Variants in EYS observed in about 807,000 individuals in gnomAD.
EYS encodes the protein EGF-like photoreceptor maintenance factor, also known as protein eyes shut homolog.
Under a neutral mutation model 282.1 loss-of-function variants are expected in EYS, and 250 were observed. That is an observed-to-expected ratio of 0.89 (90% CI 0.80 to 0.98). The LOEUF (loss-of-function observed/expected upper bound fraction) is 0.98, where lower values mean the gene tolerates loss of function less well. Ranked by LOEUF, EYS falls within the 50% of genes least tolerant of loss-of-function variation. The pLI is 0.00. For missense variants in EYS, 4,016 were observed against 3,709.0 expected (o/e 1.08, Z -2.15); for synonymous variants, 1,355 against 1,282.9 (o/e 1.06, Z -1.20).
chr6:64,174,713 T>C (rs1376599876), intron 31 of EYS, among the ~76,000 whole-genome samples: 1 of 151,960 alleles, frequency 6.6e-6, no homozygotes, highest in African/African-American at 2.4e-5. Context: ...CTTAGTCAAT[T>C]ATTTAGTGTA....
chr6:64,228,083 A>C (rs1402054725), intron 31 of EYS, among the ~76,000 whole-genome samples: 2 of 152,120 alleles, frequency 1.3e-5, no homozygotes, highest in East Asian at 3.9e-4. Context: ...CAGATTCCTG[A>C]ATTACAGACC....
At chr6:64,978,245 C>T (rs138373272) in intron 14 of EYS, among the ~76,000 whole-genome samples, 1 of 151,820 alleles carries the variant, frequency 6.6e-6, no homozygotes, top group African/African-American at 2.4e-5. Context: ...AGCCAGTGTT[C>T]ATTTACCATT....
chr6:64,088,637 A>G (rs1772245448), intron 31 of EYS, among the ~76,000 whole-genome samples: 1 of 152,006 alleles, frequency 6.6e-6, no homozygotes, highest in Admixed American at 6.6e-5. Flanking sequence ...TATCATTTTT[A>G]TTATTTTTTT....
At chr6:64,395,759 T>C (rs1016124160) in intron 28 of EYS, among the ~76,000 whole-genome samples, 3 of 149,310 alleles carry the variant, frequency 2.0e-5, no homozygotes, top group East Asian at 2.0e-4. Flanking sequence ...AATGTGCACA[T>C]GTACCCTAAA....
intron 23 of EYS, among the ~76,000 whole-genome samples, chr6:64,619,585 C>T (rs1767381186): frequency 6.6e-6 from 1 of 152,196 alleles, no homozygotes; most frequent in Non-Finnish European, 1.5e-5. Context: ...TCTACTCTCC[C>T]AAAGAGACTG....
At chr6:63,753,203 C>T (rs966969454) in intron 41 of EYS, among the ~76,000 whole-genome samples, 1 of 143,998 alleles carries the variant, frequency 6.9e-6, no homozygotes, top group Non-Finnish European at 1.5e-5. Flanking sequence ...CTCTTTTATG[C>T]TATTCTTATG....
chr6:64,613,432 A>G (rs1767172628), intron 24 of EYS, among the ~76,000 whole-genome samples: 1 of 152,108 alleles, frequency 6.6e-6, no homozygotes, highest in South Asian at 2.1e-4. Flanking sequence ...TGTGTAGAGA[A>G]TTTGGAAGTC....
In EYS at chr6:65,694,916, A is replaced by C. The variant is rs866447464; in HGVS notation, c.-448+12219T>G. On this transcript the variant is annotated intron_variant, in intron 1 of 42. Coordinates refer to ENST00000503581, the MANE Select transcript of EYS (RefSeq NM_001142800.2). ...AAGAAAAATTATTAATAAAATATAA[A>C]ATTTGATATAATGACTAAGAGAGAA... 3.3e-5 allele frequency among the ~76,000 whole-genome samples: 5 copies of C among 152,038 alleles called. No homozygotes were observed. The South Asian group carries it at 1.0e-3, about 31-fold the overall frequency.
chr6:63,744,288 A>G (rs1365039531), intron 41 of EYS: 1 of 152,202 alleles, frequency 6.6e-6, no homozygotes, highest in Non-Finnish European at 1.5e-5. Context: ...TAAAAAGGAA[A>G]AAGGACACTG....
At chr6:65,394,316 TAAAC>T (rs1766179843) in intron 7 of EYS, among the ~76,000 whole-genome samples, 1 of 152,036 alleles carries the variant, frequency 6.6e-6, no homozygotes, top group Admixed American at 6.6e-5. Flanking sequence ...TTTTGGTGAA[TAAAC>T]ACTTTCTACT....
intron 14 of EYS, among the ~76,000 whole-genome samples, chr6:64,957,850 A>G (rs1053463816): frequency 2.6e-5 from 4 of 152,196 alleles, no homozygotes; most frequent in Non-Finnish European, 4.4e-5. Flanking sequence ...CAAATACCAA[A>G]CAAATAATAT....
rs574676833 is a variant in EYS at position 65,050,265 on chromosome 6, A to G, written c.2137+7349T>C. ...CTTAGCATGTTAGCACTTACAACGA[A>G]CTAAAGGTAAGGATTTAATCACCAG... On this transcript the variant is annotated intron_variant, in intron 13 of 42. Coordinates refer to ENST00000503581, the MANE Select transcript of EYS (RefSeq NM_001142800.2). Among the ~76,000 whole-genome samples the G allele has an allele frequency of 5.4e-4, 82 of 151,764 alleles. 1 individual carries two copies. Among genetic ancestry groups the G allele is most frequent in the African/African-American group, 2.0e-3 (82 of 41,514 alleles).
chr6:64,702,593 T>A (rs1013207373), intron 22 of EYS, among the ~76,000 whole-genome samples: 16 of 152,124 alleles, frequency 1.1e-4, no homozygotes. Context: ...CATCTGTTAA[T>A]AAGTTCTCCT....
intron 2 of EYS, among the ~76,000 whole-genome samples, chr6:65,514,439 C>T (rs1767037560): frequency 6.6e-6 from 1 of 152,310 alleles, no homozygotes; most frequent in East Asian, 1.9e-4. Context: ...GAAAAAACTA[C>T]TTTAAAGTTC....
chr6:64,068,760 T>C (rs1472003601), intron 32 of EYS, among the ~76,000 whole-genome samples: 1 of 152,142 alleles, frequency 6.6e-6, no homozygotes, highest in East Asian at 1.9e-4. Context: ...CTACCTAGAA[T>C]TAATTTTTCT....
intron 30 of EYS, among the ~76,000 whole-genome samples, chr6:64,282,211 T>C (rs1472305224): frequency 6.6e-6 from 1 of 152,180 alleles, no homozygotes; most frequent in Admixed American, 6.5e-5. Flanking sequence ...TGTTCAACTA[T>C]ATATCTTGAT....
intron 20 of EYS, among the ~76,000 whole-genome samples, chr6:64,822,058 C>A (rs570542368): frequency 6.6e-6 from 1 of 152,038 alleles, no homozygotes; most frequent in African/African-American, 2.4e-5. Flanking sequence ...TTCTCTCTTC[C>A]CTGCTTACAA....
chr6:65,659,610 C>A (rs559937702), intron 1 of EYS, among the ~76,000 whole-genome samples: 5 of 151,688 alleles, frequency 3.3e-5, no homozygotes, highest in Non-Finnish European at 7.4e-5. Flanking sequence ...ACGAGGAGAA[C>A]TGGAAATACT....
chr6:64,813,293 T>G (rs1764649776), intron 22 of EYS, 85 bp downstream of exon 22: 1 of 948,008 alleles, frequency 1.1e-6, no homozygotes, highest in Admixed American at 3.6e-5. Flanking sequence ...ACTTAGTATT[T>G]ACATTGCAGA....
Sources: gnomAD v4.1 joint callset for allele counts (sites outside exome capture counted in the v4.1 genomes callset) on GRCh38, gnomAD v4.1.1 for gene constraint, MANE v1.5 for transcripts, NCBI Gene and HGNC (gene_info 2026-07-23, HGNC 2026-07-21) for gene names.